The following DCLK1 variants were observed in gnomAD, a reference collection of about 807,000 sequenced individuals.
DCLK1 encodes serine/threonine-protein kinase DCLK1.
In DCLK1, 16 loss-of-function variants were observed where a neutral mutation model predicts 86.2. The ratio of observed to expected loss-of-function variants is 0.19; its 90% confidence interval spans 0.13 to 0.28. The LOEUF (loss-of-function observed/expected upper bound fraction) is 0.28. DCLK1 is among the 10% of genes least tolerant of loss of function. DCLK1 has a pLI of 1.00. For synonymous variants in DCLK1, 369 were observed against 370.5 expected (o/e 1.00, Z 0.05); for missense variants, 590 against 940.2 (o/e 0.63, Z 4.87).
At chr13:36,067,614 C>A (rs35040964) in intron 3 of DCLK1, among the ~76,000 whole-genome samples, 58,162 of 151,830 alleles carry the variant, frequency 0.38, 11,307 homozygotes, top group South Asian at 0.59. Context: ...TAACAACAGG[C>A]CTCTTTTCCT....
chr13:35,820,318 A>C (rs2087364045), intron 11 of DCLK1, among the ~76,000 whole-genome samples: 1 of 152,336 alleles, frequency 6.6e-6, no homozygotes, highest in Non-Finnish European at 1.5e-5. Flanking sequence ...ATATTTTAAA[A>C]CCACATTATA....
chr13:35,908,980 T>G (rs906550472), intron 4 of DCLK1, among the ~76,000 whole-genome samples: 1 of 152,162 alleles, frequency 6.6e-6, no homozygotes, highest in Non-Finnish European at 1.5e-5. Flanking sequence ...TTTCTGCAAT[T>G]TTTTAAAAAG....
intron 3 of DCLK1, among the ~76,000 whole-genome samples, chr13:35,996,025 T>C (rs1880456834): frequency 6.6e-6 from 1 of 152,098 alleles, no homozygotes; most frequent in South Asian, 2.1e-4. Flanking sequence ...GCCTCCCAGG[T>C]TCAAGTGATT....
chr13:36,095,682 A>G (rs952851703), intron 3 of DCLK1, among the ~76,000 whole-genome samples: 2 of 152,184 alleles, frequency 1.3e-5, no homozygotes, highest in African/African-American at 4.8e-5. Flanking sequence ...AAGACTGAAC[A>G]CTGCTGAGAA....
chr13:35,856,685 A>G (rs1235757098), intron 5 of DCLK1, among the ~76,000 whole-genome samples: 1 of 152,218 alleles, frequency 6.6e-6, no homozygotes, highest in African/African-American at 2.4e-5. Context: ...GTAAGTATCC[A>G]TTGTATGTGT....
At chr13:36,062,544 G>A (rs553383850) in intron 3 of DCLK1, among the ~76,000 whole-genome samples, 13 of 152,266 alleles carry the variant, frequency 8.5e-5, no homozygotes, top group African/African-American at 2.9e-4. Flanking sequence ...CTCTTTAAAA[G>A]TTAAACCTGT....
intron 3 of DCLK1, among the ~76,000 whole-genome samples, chr13:36,004,661 G>T (rs955897101): frequency 6.6e-6 from 1 of 151,912 alleles, no homozygotes; most frequent in South Asian, 2.1e-4. Context: ...GTGCAATCTC[G>T]GCCTCCGGGG....
intron 16 of DCLK1, 75 bp downstream of exon 16, chr13:35,793,290 GA>G: frequency 8.6e-7 from 1 of 1,164,786 alleles, no homozygotes; most frequent in Admixed American, 2.1e-5. Context: ...TCTGACTGGA[GA>G]ATCTCCTGAG....
At chr13:35,973,639 G>C (rs1593782676) in intron 3 of DCLK1, among the ~76,000 whole-genome samples, 1 of 152,162 alleles carries the variant, frequency 6.6e-6, no homozygotes, top group Admixed American at 6.6e-5. Flanking sequence ...ATAAATGAAT[G>C]AATGACAAAA....
intron 3 of DCLK1, among the ~76,000 whole-genome samples, chr13:35,999,107 T>A (rs1880600006): frequency 6.6e-6 from 1 of 152,016 alleles, no homozygotes; most frequent in Non-Finnish European, 1.5e-5. Flanking sequence ...ATACAAAAAT[T>A]AACTGAATGC....
chr13:35,800,617 G>T (rs2086899419), intron 15 of DCLK1, among the ~76,000 whole-genome samples: 1 of 152,202 alleles, frequency 6.6e-6, no homozygotes, highest in South Asian at 2.1e-4. Flanking sequence ...CCTGGATGAG[G>T]TTAAAACAAG....
chr13:35,797,179 C>T lies in DCLK1; in HGVS notation c.1945-3700G>A, dbSNP rs113194238. Among the ~76,000 whole-genome samples, 674 of 152,272 alleles carry T rather than the reference C, an allele frequency of 4.4e-3. 6 individuals are homozygous for T. Among genetic ancestry groups the T allele is most frequent in the African/African-American group, 0.015 (643 of 41,548 alleles). ...ATCGGCACAGGCTGTGTTTACCAGC[C>T]TAGGTGTAAATATGGGGAAAGATAG... On this transcript the variant is annotated intron_variant, in intron 15 of 16. Transcript: ENST00000360631.
chr13:35,838,113 G>A (rs1259166328), intron 7 of DCLK1, among the ~76,000 whole-genome samples: 1 of 143,468 alleles, frequency 7.0e-6, no homozygotes, highest in Non-Finnish European at 1.5e-5. Flanking sequence ...CTTAGCCAAA[G>A]GCTTAAATCA....
At chr13:35,938,512 C>A (rs1035765826) in intron 4 of DCLK1, among the ~76,000 whole-genome samples, 2 of 151,934 alleles carry the variant, frequency 1.3e-5, no homozygotes, top group Non-Finnish European at 2.9e-5. Context: ...GCCTGTAGTC[C>A]CAGCTACTCG....
intron 5 of DCLK1, among the ~76,000 whole-genome samples, chr13:35,865,914 C>T (rs1871755745): frequency 1.3e-5 from 2 of 152,288 alleles, no homozygotes; most frequent in South Asian, 2.1e-4. Context: ...GGGACTAATA[C>T]TTAGGCTTAT....
intron 3 of DCLK1, among the ~76,000 whole-genome samples, chr13:36,026,000 T>A (rs969329433): frequency 2.0e-5 from 3 of 152,164 alleles, no homozygotes; most frequent in Non-Finnish European, 2.9e-5. Context: ...GTGTTTTCAC[T>A]AAACTTCCAT....
At chr13:35,998,775 GA>G (rs1593803592) in intron 3 of DCLK1, among the ~76,000 whole-genome samples, 1 of 152,174 alleles carries the variant, frequency 6.6e-6, no homozygotes, top group South Asian at 2.1e-4. Flanking sequence ...ATTTCCAGGT[GA>G]GATGAGAACG....
At chr13:35,924,761 A>T (rs1876017010) in intron 4 of DCLK1, among the ~76,000 whole-genome samples, 1 of 152,240 alleles carries the variant, frequency 6.6e-6, no homozygotes, top group African/African-American at 2.4e-5. Flanking sequence ...CCCATGAAGG[A>T]GCATATTCAC....
intron 3 of DCLK1, among the ~76,000 whole-genome samples, chr13:35,994,139 G>A (rs959149337): frequency 4.6e-5 from 7 of 151,894 alleles, no homozygotes; most frequent in African/African-American, 1.7e-4. Flanking sequence ...CATTTAGCAG[G>A]AGTAGGTTGG....
Sources: allele counts gnomAD v4.1 joint callset (sites outside exome capture counted in the v4.1 genomes callset), GRCh38; gene constraint gnomAD v4.1.1; transcripts MANE v1.5; gene names NCBI Gene and HGNC (gene_info 2026-07-23, HGNC 2026-07-21).